RNF169: variants seen among roughly 807,000 people sequenced by gnomAD.
RNF169 encodes E3 ubiquitin-protein ligase RNF169.
Under a neutral mutation model 53.9 loss-of-function variants are expected in RNF169, and 24 were observed. The ratio of observed to expected loss-of-function variants is 0.45; its 90% CI spans 0.32 to 0.63. RNF169 has a LOEUF of 0.63. Ranked by LOEUF, RNF169 falls within the 20% of genes least tolerant of loss-of-function variation. RNF169 has a pLI of 0.04. For synonymous variants in RNF169, 396 were observed against 363.5 expected (o/e 1.09, Z -1.02); for missense variants, 883 against 906.2 (o/e 0.97, Z 0.33).
At chr11:74,812,697 A>G (rs1053028218) in intron 3 of RNF169, among the ~76,000 whole-genome samples, 3 of 152,212 alleles carry the variant, frequency 2.0e-5, no homozygotes, top group East Asian at 3.8e-4. Context: ...TGGCCAGACT[A>G]CATTCAAATT....
At chr11:74,826,307 C>CA (rs1335974746) in intron 4 of RNF169, among the ~76,000 whole-genome samples, 1 of 152,134 alleles carries the variant, frequency 6.6e-6, no homozygotes, top group African/African-American at 2.4e-5. Context: ...GCCTGGGTGA[C>CA]AGAGCAAGAT....
chr11:74,750,763 G>T (rs1203223581), intron 1 of RNF169, among the ~76,000 whole-genome samples: 1 of 148,920 alleles, frequency 6.7e-6, no homozygotes, highest in Non-Finnish European at 1.5e-5. Flanking sequence ...CCACCACCAC[G>T]CCCGGCTTTT....
At chr11:74,765,806 CAAAAAAA>C (rs35483204) in intron 1 of RNF169, among the ~76,000 whole-genome samples, 2 of 108,980 alleles carry the variant, frequency 1.8e-5, no homozygotes, top group African/African-American at 7.0e-5. Context: ...GGCAACATCT[CAAAAAAA>C]AAAAAACAAA....
chr11:74,808,391 T>G (rs1437596069), intron 2 of RNF169, among the ~76,000 whole-genome samples: 1 of 152,214 alleles, frequency 6.6e-6, no homozygotes, highest in Admixed American at 6.5e-5. Flanking sequence ...GGGGCTATCC[T>G]GTGCATTTAG....
At chr11:74,762,377 G>T (rs548858448) in intron 1 of RNF169, among the ~76,000 whole-genome samples, 44 of 152,100 alleles carry the variant, frequency 2.9e-4, no homozygotes, top group African/African-American at 1.0e-3. Context: ...GAGGAGAGGC[G>T]CTCTGCCTTT....
In RNF169 at chr11:74,839,588, C is replaced by G. The variant is rs2036315201; in HGVS notation, c.*2858C>G. 1 of 152,096 alleles carries G rather than the reference C, an allele frequency of 6.6e-6. No homozygotes were observed. The allele number at this position is 152,096 out of a possible 1,614,324, so 9.4% of individuals were successfully genotyped here. On this transcript the variant is annotated 3_prime_UTR_variant, in exon 6 of 6. Transcript: ENST00000299563. Reference sequence around the variant, plus strand: ...AAGCCCAGTTCACCATACAAATTACCCATGTCTTACTCTGTTCCTTGTATA... The same window carrying G: ...AAGCCCAGTTCACCATACAAATTACGCATGTCTTACTCTGTTCCTTGTATA...
intron 1 of RNF169, among the ~76,000 whole-genome samples, chr11:74,780,994 C>T (rs547509378): frequency 1.7e-3 from 261 of 152,322 alleles, no homozygotes; most frequent in African/African-American, 5.6e-3. Context: ...CCTACTTCCC[C>T]GCTACCTAGC....
At chr11:74,823,738 G>GAAAAAAAAAAAAAAAAAAAAAGAAAAA (rs35164191) in intron 4 of RNF169, among the ~76,000 whole-genome samples, 1 of 105,774 alleles carries the variant, frequency 9.5e-6, no homozygotes, top group African/African-American at 3.5e-5. Flanking sequence ...CCCTGTCTCA[G>GAAAAAAAAAAAAAAAAAAAAAGAAAAA]AAAAAAAAAA....
intron 2 of RNF169, among the ~76,000 whole-genome samples, chr11:74,791,512 G>C (rs1359248481): frequency 2.6e-5 from 4 of 152,232 alleles, no homozygotes; most frequent in Non-Finnish European, 5.9e-5. Context: ...CACCCCCACA[G>C]CCTTCCTCCT....
At chr11:74,810,388 T>A in intron 3 of RNF169, 58 bp downstream of exon 3, 3 of 1,537,772 alleles carry the variant, frequency 2.0e-6, no homozygotes, top group Non-Finnish European at 2.7e-6. Flanking sequence ...TTAGCCCAGG[T>A]GACCTGGACC....
At position 74,836,971 on chromosome 11, in the gene RNF169, C is replaced by T. The variant is rs1413964034; in HGVS notation, c.*241C>T. On this transcript the variant is annotated 3_prime_UTR_variant, in exon 6 of 6. Coordinates refer to ENST00000299563, the MANE Select transcript of RNF169 (RefSeq NM_001098638.2). ...GCTTCTGGGCCAAACCTGGCAGCAC[C>T]CACTGGGAATGAGATTTGGAACGGC... 2 of 420,066 alleles carry T rather than the reference C, an allele frequency of 4.8e-6. No individual in the cohort carries two copies. Among genetic ancestry groups the T allele is most frequent in the Admixed American group, 8.2e-5 (2 of 24,358 alleles). The allele number at this position is 420,066 out of a possible 1,614,324, so 26.0% of individuals were successfully genotyped here. A position where few individuals can be genotyped will look rare whatever the true frequency, so the allele number is the denominator to read the frequency against.
At chr11:74,779,004 A>G (rs1398680560) in intron 1 of RNF169, among the ~76,000 whole-genome samples, 2 of 152,238 alleles carry the variant, frequency 1.3e-5, no homozygotes, top group Non-Finnish European at 2.9e-5. Flanking sequence ...TTAAAAGTAT[A>G]CAATTTTAGT....
chr11:74,771,090 G>A (rs2035253591), intron 1 of RNF169, among the ~76,000 whole-genome samples: 1 of 152,092 alleles, frequency 6.6e-6, no homozygotes, highest in South Asian at 2.1e-4. Context: ...TTACAGGCGT[G>A]AACCACCGTG....
At chr11:74,767,745 AT>A (rs1177318393) in intron 1 of RNF169, among the ~76,000 whole-genome samples, 1,898 of 139,630 alleles carry the variant, frequency 0.014, 29 homozygotes, top group African/African-American at 0.036. Flanking sequence ...AATTTTTTGT[AT>A]TTTTTTTTTT....
At chr11:74,776,349 T>C (rs570587961) in intron 1 of RNF169, among the ~76,000 whole-genome samples, 66 of 152,076 alleles carry the variant, frequency 4.3e-4, no homozygotes, top group Non-Finnish European at 8.5e-4. Flanking sequence ...AAGATTGGAC[T>C]CTATTAAAGT....
chr11:74,771,371 A>C (rs1013335697), intron 1 of RNF169, among the ~76,000 whole-genome samples: 1 of 152,200 alleles, frequency 6.6e-6, no homozygotes, highest in Non-Finnish European at 1.5e-5. Context: ...TCTACATATA[A>C]GTACTTAACA....
intron 2 of RNF169, among the ~76,000 whole-genome samples, chr11:74,791,031 C>T (rs2035571440): frequency 1.3e-5 from 2 of 152,190 alleles, no homozygotes; most frequent in South Asian, 2.1e-4. Context: ...GAAAGAGGTA[C>T]GTGGACAACT....
Position 74,835,555 on chromosome 11 carries a change from A to G in RNF169, c.952A>G (p.Met318Val), listed in dbSNP as rs371120811. 19 of 1,613,340 alleles carry G rather than the reference A, an allele frequency of 1.2e-5. No homozygotes were observed. Among genetic ancestry groups the G allele is most frequent in the East Asian group, 1.1e-4 (5 of 44,878 alleles). ...TTTTAATCTCTTTCAGGTCACAACT[A>G]TGACTCCAGCCTCCAACCCCATCAT... is the stretch of plus-strand genomic sequence containing the variant. ...VPGNKAKVTT[M>V]TPASNPIIGV... Residue 318 changes from methionine to valine, a missense_variant, in exon 6 of 6, where the codon ATG becomes GTG. Coordinates refer to ENST00000299563, the MANE Select transcript of RNF169 (RefSeq NM_001098638.2).
intron 1 of RNF169, among the ~76,000 whole-genome samples, chr11:74,752,991 CAG>C (rs1333645020): frequency 6.6e-6 from 1 of 152,094 alleles, no homozygotes; most frequent in Admixed American, 6.6e-5. Flanking sequence ...TTTTTTGAGA[CAG>C]AGTCTTGCTC....
Sources: allele counts gnomAD v4.1 joint callset (sites outside exome capture counted in the v4.1 genomes callset), GRCh38; gene constraint gnomAD v4.1.1; transcripts MANE v1.5; gene names NCBI Gene and HGNC (gene_info 2026-07-23, HGNC 2026-07-21).